The following PRIM2 variants were observed in gnomAD, a reference collection of about 807,000 sequenced individuals.
The protein encoded by PRIM2 is DNA primase large subunit.
Under a neutral mutation model 67.3 loss-of-function variants are expected in PRIM2, and 39 were observed. The ratio of observed to expected loss-of-function variants is 0.58; its 90% CI spans 0.45 to 0.76. The LOEUF is 0.76. Ranked by LOEUF, PRIM2 falls within the 30% of genes least tolerant of loss-of-function variation. The pLI is 0.00. For synonymous variants in PRIM2, 143 were observed against 198.7 expected (o/e 0.72, Z 2.36); for missense variants, 398 against 598.7 (o/e 0.66, Z 3.50).
intron 5 of PRIM2, among the ~76,000 whole-genome samples, chr6:57,357,931 C>T (rs57971205): frequency 5.3e-5 from 8 of 152,096 alleles, no homozygotes; most frequent in East Asian, 1.9e-4. Flanking sequence ...GGTTATCACC[C>T]GCCTGTCTTG....
At chr6:57,232,213 G>A in the PRIM2 span, among the ~76,000 whole-genome samples, 2 of 152,224 alleles carry the variant, frequency 1.3e-5, no homozygotes, top group Non-Finnish European at 2.9e-5. Flanking sequence ...TCAGAGCCAC[G>A]TTGATGAGTC....
At chr6:57,227,968 A>C in the PRIM2 span, among the ~76,000 whole-genome samples, 1 of 152,238 alleles carries the variant, frequency 6.6e-6, no homozygotes, top group African/African-American at 2.4e-5. Context: ...TAATCTTTTC[A>C]ACATTAATCA....
rs1474766344 is a variant in PRIM2 at position 57,496,217 on chromosome 6, T to A, written c.694-11170T>A. Among the ~76,000 whole-genome samples the A allele has an allele frequency of 8.1e-3, 1,231 of 152,346 alleles. 10 individuals are homozygous for A. Among genetic ancestry groups the A allele is most frequent in the Middle Eastern group, 0.02 (6 of 294 alleles). ...ATCTTTGACATTGATTTTAGATTAC[T>A]TAATAAAGAATGTATTTAAGTGTAG... On this transcript the variant is annotated intron_variant, in intron 7 of 13. Transcript: ENST00000615550.
At chr6:57,361,971 A>G (rs1581828314) in intron 5 of PRIM2, among the ~76,000 whole-genome samples, 2 of 152,266 alleles carry the variant, frequency 1.3e-5, no homozygotes, top group East Asian at 3.9e-4. Flanking sequence ...AGCTGTGAAC[A>G]GCATCTTAAA....
chr6:57,488,675 T>G (rs1163879218), intron 7 of PRIM2, among the ~76,000 whole-genome samples: 19 of 152,232 alleles, frequency 1.2e-4, no homozygotes, highest in African/African-American at 4.3e-4. Context: ...GCCCACCACA[T>G]GGTTGCAATT....
rs1209578703 is a variant in PRIM2, at chr6:57,646,466, G to A, written c.*308G>A. On this transcript the variant is annotated 3_prime_UTR_variant, in exon 14 of 14. Coordinates refer to ENST00000615550, the MANE Select transcript of PRIM2 (RefSeq NM_000947.5). Reference sequence around the variant, plus strand: ...GCTCAAGCGATCCTCACACCTCAGCGTCCCAGAGTGCTGGGATTACGGTTG... The same window carrying A: ...GCTCAAGCGATCCTCACACCTCAGCATCCCAGAGTGCTGGGATTACGGTTG... 5.2e-5 allele frequency: 14 copies of A among 271,196 alleles called. No individual in the cohort carries two copies. Among genetic ancestry groups the A allele is most frequent in the Non-Finnish European group, 9.7e-5 (14 of 144,770 alleles). 16.8% of individuals were successfully genotyped at this position (271,196 alleles called of 1,614,324 possible). A position where few individuals can be genotyped will look rare whatever the true frequency, so the allele number is the denominator to read the frequency against.
At chr6:57,273,481 A>G in the PRIM2 span, among the ~76,000 whole-genome samples, 1 of 152,106 alleles carries the variant, frequency 6.6e-6, no homozygotes, top group African/African-American at 2.4e-5. Context: ...GCTCCATCAC[A>G]TCCTTTAAGG....
At chr6:57,429,193 A>G (rs1771737975) in intron 7 of PRIM2, among the ~76,000 whole-genome samples, 2 of 152,198 alleles carry the variant, frequency 1.3e-5, no homozygotes, top group Non-Finnish European at 2.9e-5. Context: ...GTTTTGCCCT[A>G]TGGGAGGGAG....
At chr6:57,399,397 T>G (rs1386881678) in intron 7 of PRIM2, among the ~76,000 whole-genome samples, 1 of 152,220 alleles carries the variant, frequency 6.6e-6, no homozygotes, top group Non-Finnish European at 1.5e-5. Context: ...TGCAAAGTAT[T>G]CCATGGTGTA....
chr6:57,429,364 G>A (rs1771743710), intron 7 of PRIM2, among the ~76,000 whole-genome samples: 1 of 152,120 alleles, frequency 6.6e-6, no homozygotes, highest in Admixed American at 6.5e-5. Flanking sequence ...AGGCCAGGGT[G>A]GTAAATTATT....
At chr6:57,249,656 C>T in the PRIM2 span, among the ~76,000 whole-genome samples, 1 of 152,160 alleles carries the variant, frequency 6.6e-6, no homozygotes, top group Non-Finnish European at 1.5e-5. Flanking sequence ...GCAGGAGAAT[C>T]GCTTGAACCC....
chr6:57,471,089 A>AT (rs1179813860), intron 7 of PRIM2, among the ~76,000 whole-genome samples: 156 of 148,508 alleles, frequency 1.1e-3, no homozygotes, highest in South Asian at 6.4e-3. Context: ...AGGGATACTT[A>AT]TTTTTTTTTT....
chr6:57,431,623 T>G (rs62401702), intron 7 of PRIM2, among the ~76,000 whole-genome samples: 61 of 152,090 alleles, frequency 4.0e-4, no homozygotes, highest in African/African-American at 1.4e-3. Flanking sequence ...TGCCAGCCTG[T>G]TCGACAGAGA....
At chr6:57,486,445 C>T (rs2127407540) in intron 7 of PRIM2, among the ~76,000 whole-genome samples, 1 of 152,316 alleles carries the variant, frequency 6.6e-6, no homozygotes, top group East Asian at 1.9e-4. Flanking sequence ...AGGTTCCCTG[C>T]CATGACAAAG....
Position 57,521,374 on chromosome 6 carries a change from T to TTTG in PRIM2, c.762-11035_762-11034insGTT, listed in dbSNP as rs1774618000. 4.1e-5 allele frequency among the ~76,000 whole-genome samples: 6 copies of TTTG among 145,948 alleles called. No individual in the cohort carries two copies. The South Asian group carries it at 8.6e-4, about 21-fold the overall frequency. On this transcript the variant is annotated intron_variant, in intron 8 of 13. Coordinates refer to ENST00000615550, the MANE Select transcript of PRIM2 (RefSeq NM_000947.5). Reference sequence around the variant, plus strand: ...TTAGTTTATGTGGTTAGGGTTTTTTTTTTTTTTTTTTTTTTTTTTAACACC... The same window carrying TTTG: ...TTAGTTTATGTGGTTAGGGTTTTTTTTTGTTTTTTTTTTTTTTTTTTTAACACC...
intron 10 of PRIM2, among the ~76,000 whole-genome samples, chr6:57,569,926 T>C (rs1389364129): frequency 6.6e-6 from 1 of 152,122 alleles, no homozygotes; most frequent in Non-Finnish European, 1.5e-5. Context: ...GTATTTTTAG[T>C]AGAGACAGGG....
chr6:57,564,832 A>G (rs1775706067), intron 10 of PRIM2, among the ~76,000 whole-genome samples: 1 of 152,248 alleles, frequency 6.6e-6, no homozygotes, highest in Non-Finnish European at 1.5e-5. Flanking sequence ...AGGGCCAGAT[A>G]GTAAATAAAT....
intron 7 of PRIM2, among the ~76,000 whole-genome samples, chr6:57,427,338 T>C (rs1295442772): frequency 6.6e-6 from 1 of 152,232 alleles, no homozygotes; most frequent in African/African-American, 2.4e-5. Context: ...TCTTTTTTCT[T>C]TGAGACTTGT....
chr6:57,581,548 TATC>T (rs1776084059), intron 10 of PRIM2, among the ~76,000 whole-genome samples: 2 of 152,228 alleles, frequency 1.3e-5, no homozygotes, highest in African/African-American at 4.8e-5. Flanking sequence ...GTGAAAGTTT[TATC>T]ATTAATATAT....
Sources: gnomAD v4.1 joint callset for allele counts (sites outside exome capture counted in the v4.1 genomes callset) on GRCh38, gnomAD v4.1.1 for gene constraint, MANE v1.5 for transcripts, NCBI Gene and HGNC (gene_info 2026-07-23, HGNC 2026-07-21) for gene names.